Variants in COMMD10 observed in about 807,000 individuals in gnomAD.
The protein encoded by COMMD10 is COMM domain-containing protein 10.
Under a neutral mutation model 28.9 loss-of-function variants are expected in COMMD10, and 33 were observed. The observed-to-expected ratio is 1.14, with a 90% CI of 0.87 to 1.53. COMMD10 has a LOEUF of 1.53. Ranked by LOEUF, COMMD10 falls within the 40% of genes most tolerant of loss-of-function variation. The pLI is 0.00. For missense variants in COMMD10, 310 were observed against 233.4 expected, an observed-to-expected ratio of 1.33 and a Z score of -2.14; for synonymous variants, 110 against 81.7, an observed-to-expected ratio of 1.35 and a Z score of -1.87.
At position 116,100,503 on chromosome 5, in the gene COMMD10, A is replaced by G. The variant is rs116482485; in HGVS notation, c.399+7803A>G. Among the ~76,000 whole-genome samples the G allele has an allele frequency of 3.0e-3, 442 of 149,534 alleles. 3 individuals carry two copies. Among genetic ancestry groups the G allele is most frequent in the African/African-American group, 0.01 (424 of 40,818 alleles). ...AGTTAATTTTTGTGCATGGTATAAG[A>G]TAAAGGTCCAGTTCCTTTTTTTTTT... On this transcript the variant is annotated intron_variant, in intron 4 of 6. Coordinates refer to ENST00000274458, the MANE Select transcript of COMMD10 (RefSeq NM_016144.4).
At chr5:116,153,112 C>A (rs1752589704) in intron 5 of COMMD10, among the ~76,000 whole-genome samples, 1 of 151,946 alleles carries the variant, frequency 6.6e-6, no homozygotes. Context: ...ATAGTGCTAC[C>A]TAATTCTATA....
intron 5 of COMMD10, among the ~76,000 whole-genome samples, chr5:116,142,049 C>T (rs1466784120): frequency 1.3e-5 from 2 of 151,608 alleles, no homozygotes; most frequent in Non-Finnish European, 1.5e-5. Flanking sequence ...ATTATAGAAA[C>T]GTGAAAGGAA....
chr5:116,135,212 G>T (rs570355060), intron 5 of COMMD10, among the ~76,000 whole-genome samples: 2 of 152,268 alleles, frequency 1.3e-5, no homozygotes, highest in East Asian at 3.9e-4. Flanking sequence ...TGAGGCAGGA[G>T]ATTACAGTGA....
At chr5:116,276,251 C>CT (rs943266802) in intron 5 of COMMD10, among the ~76,000 whole-genome samples, 1 of 151,432 alleles carries the variant, frequency 6.6e-6, no homozygotes, top group African/African-American at 2.4e-5. Context: ...GAAATATCTT[C>CT]TTTTTTTTCT....
intron 5 of COMMD10, among the ~76,000 whole-genome samples, chr5:116,233,251 T>A (rs1447578267): frequency 6.6e-6 from 1 of 152,144 alleles, no homozygotes; most frequent in African/African-American, 2.4e-5. Context: ...TATTACAGTA[T>A]ATAGTTATAA....
intron 4 of COMMD10, among the ~76,000 whole-genome samples, chr5:116,132,810 A>C (rs1406253538): frequency 6.6e-6 from 1 of 152,138 alleles, no homozygotes; most frequent in Non-Finnish European, 1.5e-5. Context: ...GTATGTAAAG[A>C]ATCCTTACTT....
chr5:116,237,631 G>A (rs1749704055), intron 5 of COMMD10, among the ~76,000 whole-genome samples: 1 of 152,074 alleles, frequency 6.6e-6, no homozygotes, highest in Non-Finnish European at 1.5e-5. Context: ...GCAACGTATT[G>A]AGACCCTGCT....
At chr5:116,259,633 C>T (rs1430804284) in intron 5 of COMMD10, among the ~76,000 whole-genome samples, 2 of 151,626 alleles carry the variant, frequency 1.3e-5, no homozygotes, top group Non-Finnish European at 2.9e-5. Flanking sequence ...ATGAGAATCC[C>T]TTTTTACTTC....
chr5:116,181,204 A>G (rs1452824711), intron 5 of COMMD10, among the ~76,000 whole-genome samples: 1 of 151,978 alleles, frequency 6.6e-6, no homozygotes, highest in Non-Finnish European at 1.5e-5. Flanking sequence ...TTAATTAGAA[A>G]TCTGTTTCTG....
chr5:116,278,267 A>C (rs1370225436), intron 5 of COMMD10, among the ~76,000 whole-genome samples: 1 of 151,838 alleles, frequency 6.6e-6, no homozygotes, highest in African/African-American at 2.4e-5. Context: ...AAAAGCTTCA[A>C]ATAATCATAT....
At chr5:116,121,056 A>G (rs1486487586) in intron 4 of COMMD10, among the ~76,000 whole-genome samples, 1 of 152,156 alleles carries the variant, frequency 6.6e-6, no homozygotes, top group Non-Finnish European at 1.5e-5. Context: ...ATAGATATAC[A>G]TGTGCCATGT....
chr5:116,102,482 G>C (rs141933306), intron 4 of COMMD10, among the ~76,000 whole-genome samples: 1 of 152,240 alleles, frequency 6.6e-6, no homozygotes, highest in East Asian at 1.9e-4. Flanking sequence ...TTTGAAGTCA[G>C]AGAGTGTAAG....
chr5:116,097,077 G>GGTAATAT (rs1384672446), intron 4 of COMMD10, among the ~76,000 whole-genome samples: 2 of 151,408 alleles, frequency 1.3e-5, no homozygotes, highest in Non-Finnish European at 2.9e-5. Context: ...ATGAAAGTTT[G>GGTAATAT]TTTTTTTAAA....
intron 5 of COMMD10, among the ~76,000 whole-genome samples, chr5:116,147,382 G>A (rs904234479): frequency 1.3e-5 from 2 of 151,762 alleles, no homozygotes; most frequent in Non-Finnish European, 2.9e-5. Context: ...GAGACAGATA[G>A]GATTAATATA....
chr5:116,259,934 G>A (rs796964653), intron 5 of COMMD10, among the ~76,000 whole-genome samples: 1 of 151,768 alleles, frequency 6.6e-6, no homozygotes, highest in South Asian at 2.1e-4. Context: ...TTAGCTGCAG[G>A]TTTCTCCAAT....
intron 5 of COMMD10, among the ~76,000 whole-genome samples, chr5:116,284,334 G>GTGTA (rs35927654): frequency 6.7e-6 from 1 of 149,152 alleles, no homozygotes. Flanking sequence ...GTATGTGTGT[G>GTGTA]TGTATGTATG....
intron 5 of COMMD10, among the ~76,000 whole-genome samples, chr5:116,139,701 A>C (rs1204578700): frequency 1.3e-5 from 2 of 151,634 alleles, no homozygotes; most frequent in Non-Finnish European, 3.0e-5. Flanking sequence ...AATTCAACTG[A>C]TAGGACATAA....
intron 5 of COMMD10, among the ~76,000 whole-genome samples, chr5:116,207,250 C>T (rs1255046572): frequency 6.6e-6 from 1 of 151,960 alleles, no homozygotes; most frequent in Non-Finnish European, 1.5e-5. Context: ...TATAAATGTC[C>T]AATAGCTATG....
At chr5:116,171,467 C>G (rs1290360939) in intron 5 of COMMD10, among the ~76,000 whole-genome samples, 1 of 152,112 alleles carries the variant, frequency 6.6e-6, no homozygotes, top group Non-Finnish European at 1.5e-5. Context: ...ATACAGCAAT[C>G]CCCTTACTGG....
Sources: gnomAD v4.1 joint callset for allele counts (sites outside exome capture counted in the v4.1 genomes callset) on GRCh38, gnomAD v4.1.1 for gene constraint, MANE v1.5 for transcripts, NCBI Gene and HGNC (gene_info 2026-07-23, HGNC 2026-07-21) for gene names.